The following ZFAT variants were observed in gnomAD, a reference collection of about 807,000 sequenced individuals.
ZFAT encodes zinc finger and AT-hook domain containing.
In ZFAT, 64 loss-of-function variants were observed where a neutral mutation model predicts 117.7. The ratio of observed to expected loss-of-function variants is 0.54; its 90% CI spans 0.44 to 0.67. The LOEUF is 0.67. ZFAT is among the 30% of genes least tolerant of loss of function. The pLI is 0.00. For synonymous variants in ZFAT, 679 were observed against 615.0 expected (o/e 1.10, Z -1.54); for missense variants, 1,433 against 1,584.5 (o/e 0.90, Z 1.62).
chr8:134,717,466 C>CTTTT (rs746460924), upstream of ZFAT, among the ~76,000 whole-genome samples: 201 of 19,340 alleles, frequency 0.01, 83 homozygotes, highest in Non-Finnish European at 0.011. Context: ...AATAACAACT[C>CTTTT]TTTTTTTTTT....
chr8:134,710,541 T>C (rs1156443255), intron 1 of ZFAT, among the ~76,000 whole-genome samples: 1 of 152,230 alleles, frequency 6.6e-6, no homozygotes, highest in East Asian at 1.9e-4. Flanking sequence ...TCCCCTATTA[T>C]TCCCAAATAA....
chr8:134,630,034 A>C (rs552281044), intron 3 of ZFAT, among the ~76,000 whole-genome samples: 5 of 152,188 alleles, frequency 3.3e-5, no homozygotes, highest in African/African-American at 1.2e-4. Context: ...AAGCAAACAC[A>C]GGAATATAGA....
the ZFAT span, among the ~76,000 whole-genome samples, chr8:134,756,913 A>C: frequency 6.6e-6 from 1 of 151,798 alleles, no homozygotes; most frequent in African/African-American, 2.4e-5. Context: ...TATGGCAGAT[A>C]GGAATGCTGT....
chr8:134,595,282 T>G (rs1177869703), intron 7 of ZFAT, among the ~76,000 whole-genome samples: 2 of 152,188 alleles, frequency 1.3e-5, no homozygotes, highest in East Asian at 1.9e-4. Context: ...TTATTCTGTT[T>G]CATTAATAAG....
intron 1 of ZFAT, among the ~76,000 whole-genome samples, chr8:134,704,464 G>T (rs1834095126): frequency 6.6e-6 from 1 of 152,110 alleles, no homozygotes. Context: ...CAGTCCCAGG[G>T]GCTTCCTCTC....
At chr8:134,646,238 A>G (rs188693897) in intron 2 of ZFAT, among the ~76,000 whole-genome samples, 7 of 152,288 alleles carry the variant, frequency 4.6e-5, no homozygotes, top group Non-Finnish European at 8.8e-5. Context: ...TCATTCAAGT[A>G]TGTGGAATTA....
chr8:134,617,018 T>G (rs772397409), intron 3 of ZFAT, among the ~76,000 whole-genome samples: 1 of 152,200 alleles, frequency 6.6e-6, no homozygotes, highest in African/African-American at 2.4e-5. Context: ...TTTGAAAACA[T>G]ATCTGGGACA....
intron 12 of ZFAT, 128 bp from the exon 13 acceptor site, chr8:134,521,129 T>C (rs970590400): frequency 1.5e-6 from 1 of 648,382 alleles, no homozygotes; most frequent in African/African-American, 1.8e-5. Context: ...TGTATTCAAT[T>C]CAAGCTTACC....
the ZFAT span, among the ~76,000 whole-genome samples, chr8:134,830,294 G>A: frequency 6.6e-6 from 1 of 152,178 alleles, no homozygotes; most frequent in Non-Finnish European, 1.5e-5. Flanking sequence ...GTCAGCTATG[G>A]CCAATAGGAG....
chr8:134,767,177 TGAAAA>T, the ZFAT span: 1 of 152,240 alleles, frequency 6.6e-6, no homozygotes, highest in Non-Finnish European at 1.5e-5. Flanking sequence ...AATGTGTGCT[TGAAAA>T]GAATATATAT....
At chr8:134,706,144 A>G (rs150446914) in intron 1 of ZFAT, among the ~76,000 whole-genome samples, 2 of 152,346 alleles carry the variant, frequency 1.3e-5, no homozygotes, top group African/African-American at 4.8e-5. Flanking sequence ...TATAACCCAG[A>G]AATTCCACTC....
chr8:134,799,263 CT>C, the ZFAT span, among the ~76,000 whole-genome samples: 1 of 152,122 alleles, frequency 6.6e-6, no homozygotes, highest in African/African-American at 2.4e-5. Context: ...AGCATGAATT[CT>C]AATTCTGGAT....
At chr8:134,572,482 C>T (rs980172485) in intron 10 of ZFAT, among the ~76,000 whole-genome samples, 32 of 152,176 alleles carry the variant, frequency 2.1e-4, no homozygotes, top group Non-Finnish European at 4.3e-4. Context: ...GGCTTCTGAA[C>T]CTGAAAGTTC....
At chr8:134,821,285 AG>A in the ZFAT span, among the ~76,000 whole-genome samples, 19,983 of 152,174 alleles carry the variant, frequency 0.13, 1,358 homozygotes, top group Non-Finnish European at 0.14. Flanking sequence ...AAAAAAGACA[AG>A]GTTTTAGTTG....
chr8:134,533,853 G>A (rs147179654), intron 11 of ZFAT, among the ~76,000 whole-genome samples: 2 of 152,308 alleles, frequency 1.3e-5, no homozygotes, highest in Admixed American at 6.5e-5. Flanking sequence ...GCTGGTCGAC[G>A]GATGGGCATC....
At chr8:134,557,226 G>A (rs913838301) in intron 11 of ZFAT, among the ~76,000 whole-genome samples, 4 of 152,140 alleles carry the variant, frequency 2.6e-5, no homozygotes, top group Non-Finnish European at 2.9e-5. Context: ...AAAAAAGTAT[G>A]GTTAAAAGGT....
chr8:134,695,415 A>T (rs1008360504), intron 1 of ZFAT, among the ~76,000 whole-genome samples: 4 of 146,056 alleles, frequency 2.7e-5, no homozygotes, highest in Admixed American at 2.7e-4. Flanking sequence ...AGGCCCGGCC[A>T]TCTCCAACCA....
chr8:134,665,473 G>A (rs1167674356), intron 1 of ZFAT, among the ~76,000 whole-genome samples: 2 of 152,206 alleles, frequency 1.3e-5, no homozygotes, highest in Non-Finnish European at 1.5e-5. Flanking sequence ...TCCTCTGTAC[G>A]CCCACCTGGT....
At chr8:134,694,807 C>G (rs1833745879) in intron 1 of ZFAT, among the ~76,000 whole-genome samples, 1 of 152,172 alleles carries the variant, frequency 6.6e-6, no homozygotes, top group African/African-American at 2.4e-5. Flanking sequence ...GTAACCAAAG[C>G]CTTTCTCCCT....
Sources: allele counts gnomAD v4.1 joint callset (sites outside exome capture counted in the v4.1 genomes callset), GRCh38; gene constraint gnomAD v4.1.1; transcripts MANE v1.5; gene names NCBI Gene and HGNC (gene_info 2026-07-23, HGNC 2026-07-21).